The following FAM234B variants were observed in gnomAD, a reference collection of about 807,000 sequenced individuals.
The protein encoded by FAM234B is family with sequence similarity 234 member B, also known as protein FAM234B.
Under a neutral mutation model 69.3 loss-of-function variants are expected in FAM234B, and 33 were observed. The observed-to-expected ratio is 0.48, with a 90% CI of 0.36 to 0.64. FAM234B has a LOEUF of 0.64. FAM234B is among the 30% of genes least tolerant of loss of function. FAM234B has a pLI of 0.00. For missense variants in FAM234B, 697 were observed against 769.7 expected (o/e 0.91, Z 1.12); for synonymous variants, 306 against 306.9 (o/e 1.00, Z 0.03).
At chr12:13,056,405 C>G (rs984365595) in intron 2 of FAM234B, among the ~76,000 whole-genome samples, 4 of 152,172 alleles carry the variant, frequency 2.6e-5, no homozygotes, top group Admixed American at 2.6e-4. Context: ...TAGTTGCTAT[C>G]TTTTCTTTCT....
rs1385275643 is a variant in FAM234B at position 13,081,795 on chromosome 12, A to G, written c.*1165A>G. On this transcript the variant is annotated 3_prime_UTR_variant, in exon 13 of 13. Coordinates refer to ENST00000197268, the MANE Select transcript of FAM234B (RefSeq NM_020853.2). ...CTTACTTCTCCCTTCTTCTGTATAA[A>G]TCTGCTACTTCAATTAAGTTCTCCT... 3 of 152,114 alleles carry G rather than the reference A, an allele frequency of 2.0e-5. No homozygotes were observed. The highest frequency in any genetic ancestry group is 4.4e-5 in the Non-Finnish European group (3 of 68,016). 9.4% of individuals were successfully genotyped at this position (152,114 alleles called of 1,614,324 possible). A position where few individuals can be genotyped will look rare whatever the true frequency, so the allele number is the denominator to read the frequency against.
intron 5 of FAM234B, among the ~76,000 whole-genome samples, chr12:13,064,963 C>T (rs1004246838): frequency 2.0e-5 from 3 of 152,088 alleles, no homozygotes; most frequent in African/African-American, 4.8e-5. Flanking sequence ...TGGGAAGGGA[C>T]CTTGAAGACC....
chr12:13,065,757 A>T (rs1451815992), intron 5 of FAM234B, among the ~76,000 whole-genome samples: 1 of 152,230 alleles, frequency 6.6e-6, no homozygotes, highest in Non-Finnish European at 1.5e-5. Flanking sequence ...GCAATAGCAC[A>T]GTGCTATGAC....
At chr12:13,060,097 C>G (rs1864969349) in intron 3 of FAM234B, among the ~76,000 whole-genome samples, 1 of 152,210 alleles carries the variant, frequency 6.6e-6, no homozygotes, top group South Asian at 2.1e-4. Context: ...TATTATCCCC[C>G]TTTTGCACAT....
intron 1 of FAM234B, among the ~76,000 whole-genome samples, chr12:13,046,004 G>T (rs1287490291): frequency 6.6e-6 from 1 of 152,168 alleles, no homozygotes. Flanking sequence ...GTAGGAACTG[G>T]TTGGGGTTCC....
intron 1 of FAM234B, among the ~76,000 whole-genome samples, chr12:13,048,656 C>A (rs1472979711): frequency 6.6e-6 from 1 of 152,114 alleles, no homozygotes; most frequent in African/African-American, 2.4e-5. Flanking sequence ...CATATGTAGC[C>A]CGTACAGACT....
Position 13,081,616 on chromosome 12 carries a change from C to G in FAM234B, c.*986C>G, listed in dbSNP as rs936463622. The stretch of plus-strand genomic sequence containing the variant: ...TTCTATTCAGGGATATGTTTCTGGA[C>G]TTTTTCTTCTGCTACTTGAGTCCAG... On this transcript the variant is annotated 3_prime_UTR_variant, in exon 13 of 13. Transcript: ENST00000197268. The G allele has an allele frequency of 6.6e-6, 1 of 152,190 alleles. No homozygotes were observed. Among genetic ancestry groups the G allele is most frequent in the South Asian group, 2.1e-4 (1 of 4,836 alleles). The allele number at this position is 152,190 out of a possible 1,614,324, so 9.4% of individuals were successfully genotyped here. A position where few individuals can be genotyped will look rare whatever the true frequency, so the allele number is the denominator to read the frequency against.
intron 12 of FAM234B, 82 bp downstream of exon 12, chr12:13,080,091 C>A: frequency 9.4e-7 from 1 of 1,064,810 alleles, no homozygotes; most frequent in Non-Finnish European, 1.3e-6. Flanking sequence ...AGAAAGTAGG[C>A]AGAATGGGGA....
rs1865058595 is a variant in FAM234B, at chr12:13,067,955, C to T, written c.1143-349C>T. ...TATGCCATGGGCTGCTGCCCAAGCT[C>T]ATTGGCAACCTCTGGCCTCCTGTCC... On this transcript the variant is annotated intron_variant, in intron 7 of 12. Coordinates refer to ENST00000197268, the MANE Select transcript of FAM234B (RefSeq NM_020853.2). This position sits in a 1 kb window ranked among gnomAD's most constrained non-coding sequence, Gnocchi z 4.7. Among the ~76,000 whole-genome samples the T allele has an allele frequency of 6.6e-6, 1 of 152,326 alleles. No individual in the cohort carries two copies. The highest frequency in any genetic ancestry group is 1.5e-5 in the Non-Finnish European group (1 of 68,030).
intron 1 of FAM234B, among the ~76,000 whole-genome samples, chr12:13,051,726 T>C (rs534165870): frequency 7.2e-5 from 11 of 152,166 alleles, no homozygotes; most frequent in Non-Finnish European, 1.3e-4. Flanking sequence ...TGAGGACACC[T>C]GAAACAATGC....
rs1053719003 is a variant in FAM234B at position 13,081,380 on chromosome 12, A to G, written c.*750A>G. The G allele has an allele frequency of 6.6e-6, 1 of 152,282 alleles. No homozygotes were observed. The highest frequency in any genetic ancestry group is 2.4e-5 in the African/African-American group (1 of 41,448). 9.4% of individuals were successfully genotyped at this position (152,282 alleles called of 1,614,324 possible). ...AGTCTCAGTGACCCATCTCTGACCA[A>G]GTCCACATGTTGTGTTATATGTGGC... On this transcript the variant is annotated 3_prime_UTR_variant, in exon 13 of 13. Coordinates refer to ENST00000197268, the MANE Select transcript of FAM234B (RefSeq NM_020853.2).
intron 2 of FAM234B, among the ~76,000 whole-genome samples, chr12:13,057,924 A>G (rs555815912): frequency 1.1e-3 from 167 of 152,272 alleles, no homozygotes; most frequent in Non-Finnish European, 1.8e-3. Flanking sequence ...TACATCCAGG[A>G]GAGGGTGGGA....
At chr12:13,069,897 G>A (rs1161404654) in intron 9 of FAM234B, among the ~76,000 whole-genome samples, 2 of 152,118 alleles carry the variant, frequency 1.3e-5, no homozygotes, top group African/African-American at 2.4e-5. Context: ...AAAAGCCAGT[G>A]CCTGCGTGTA....
intron 7 of FAM234B, 70 bp from the exon 8 acceptor site, chr12:13,068,234 A>G: frequency 6.4e-7 from 1 of 1,573,148 alleles, no homozygotes; most frequent in Admixed American, 1.7e-5. Context: ...CTGAGAGAAA[A>G]AGCCAAAGTA....
At chr12:13,065,314 C>T (rs1865025703) in intron 5 of FAM234B, among the ~76,000 whole-genome samples, 2 of 152,178 alleles carry the variant, frequency 1.3e-5, no homozygotes, top group Admixed American at 6.5e-5. Context: ...CCTCATGCAA[C>T]CAGGAAGTCC....
At chr12:13,078,701 C>G (rs1865189702) in intron 11 of FAM234B, among the ~76,000 whole-genome samples, 1 of 152,156 alleles carries the variant, frequency 6.6e-6, no homozygotes, top group Non-Finnish European at 1.5e-5. Flanking sequence ...TCTCAGGATA[C>G]AAAATCAATG....
In FAM234B at chr12:13,079,783, C is replaced by T. The variant is rs764956370; in HGVS notation, c.1643-6C>T. On this transcript the variant is annotated splice_region_variant and splice_polypyrimidine_tract_variant and intron_variant, in intron 11 of 12. Transcript: ENST00000197268. Reference sequence around the variant, plus strand: ...GTTAACTGCTCTTGTTTTTGTCCTTCCTCAGTTGGAATTAACGACCTCTGG... The same window carrying T: ...GTTAACTGCTCTTGTTTTTGTCCTTTCTCAGTTGGAATTAACGACCTCTGG... The T allele has an allele frequency of 1.3e-6, 2 of 1,598,818 alleles. No homozygotes were observed. Among genetic ancestry groups the T allele is most frequent in the Non-Finnish European group, 1.7e-6 (2 of 1,167,070 alleles).
rs190868640 is a variant in FAM234B at position 13,044,942 on chromosome 12, C to T, written c.37+502C>T. Among the ~76,000 whole-genome samples the T allele has an allele frequency of 1.3e-5, 2 of 152,274 alleles. No homozygotes were observed. The highest frequency in any genetic ancestry group is 3.9e-4 in the East Asian group (2 of 5,182). ...GGTATTTACGTCCCTTCCTAGTTTA[C>T]AGAAGAGAAAATGAGAGTTATTTGG... On this transcript the variant is annotated intron_variant, in intron 1 of 12. Transcript: ENST00000197268. This position sits in a 1 kb window ranked among gnomAD's most constrained non-coding sequence, Gnocchi z 5.6.
At chr12:13,065,537 TG>T (rs542816546) in intron 5 of FAM234B, among the ~76,000 whole-genome samples, 5 of 152,262 alleles carry the variant, frequency 3.3e-5, no homozygotes, top group Non-Finnish European at 7.3e-5. Flanking sequence ...GCTTTCTGTT[TG>T]TAATCAGCTA....
Sources: allele counts gnomAD v4.1 joint callset (sites outside exome capture counted in the v4.1 genomes callset), GRCh38; gene constraint gnomAD v4.1.1; non-coding constraint Gnocchi (gnomAD v3.1); transcripts MANE v1.5; gene names NCBI Gene and HGNC (gene_info 2026-07-23, HGNC 2026-07-21).